Variants in ATF7 observed in about 807,000 individuals in gnomAD.
ATF7 encodes the protein cyclic AMP-dependent transcription factor ATF-7.
A neutral mutation model predicts 50.4 loss-of-function variants in ATF7; 10 were observed. The ratio of observed to expected loss-of-function variants is 0.20; its 90% CI spans 0.12 to 0.34. The LOEUF (loss-of-function observed/expected upper bound fraction) is 0.34, where lower values mean the gene tolerates loss of function less well. Ranked by LOEUF, ATF7 falls within the 10% of genes least tolerant of loss-of-function variation. The pLI is 1.00. For synonymous variants in ATF7, 201 were observed against 226.4 expected (o/e 0.89, Z 1.01); for missense variants, 465 against 613.9 (o/e 0.76, Z 2.56).
At chr12:53,566,205 C>G (rs1941437143) in intron 2 of ATF7, among the ~76,000 whole-genome samples, 1 of 152,122 alleles carries the variant, frequency 6.6e-6, no homozygotes, top group African/African-American at 2.4e-5. Flanking sequence ...AGTATATCAG[C>G]TATAAACTAT....
intron 2 of ATF7, among the ~76,000 whole-genome samples, chr12:53,563,836 T>C (rs1167834144): frequency 6.6e-6 from 1 of 152,250 alleles, no homozygotes; most frequent in Non-Finnish European, 1.5e-5. Flanking sequence ...TTCAGAAAGA[T>C]CTGATGGCTT....
downstream of ATF7, among the ~76,000 whole-genome samples, chr12:53,510,532 C>T (rs1944110450): frequency 6.7e-6 from 1 of 148,860 alleles, no homozygotes; most frequent in Non-Finnish European, 1.5e-5. Flanking sequence ...AATCCTAGCT[C>T]TTGCACTTCA....
intron 2 of ATF7, among the ~76,000 whole-genome samples, chr12:53,584,970 C>T (rs923844558): frequency 3.3e-5 from 5 of 151,982 alleles, no homozygotes; most frequent in Non-Finnish European, 7.4e-5. Flanking sequence ...ATGGTGGATA[C>T]GTGTCATTTT....
intron 2 of ATF7, among the ~76,000 whole-genome samples, chr12:53,586,493 T>C (rs755358004): frequency 3.9e-5 from 6 of 152,186 alleles, no homozygotes; most frequent in African/African-American, 9.7e-5. Context: ...ACTCCAGGTA[T>C]GTACTACAAC....
downstream of ATF7, among the ~76,000 whole-genome samples, chr12:53,509,635 A>G (rs1371655849): frequency 6.6e-6 from 1 of 151,504 alleles, no homozygotes; most frequent in Non-Finnish European, 1.5e-5. Flanking sequence ...CCTCCCAAGT[A>G]GCTGGGATTA....
chr12:53,607,789 C>A (rs1428512714), intron 1 of ATF7, among the ~76,000 whole-genome samples: 4 of 152,022 alleles, frequency 2.6e-5, no homozygotes, highest in African/African-American at 9.7e-5. Flanking sequence ...TAATGGCATC[C>A]TAGGTGATTC....
intron 11 of ATF7, among the ~76,000 whole-genome samples, chr12:53,518,759 A>C (rs1565914821): frequency 6.6e-6 from 1 of 152,118 alleles, no homozygotes; most frequent in Non-Finnish European, 1.5e-5. Context: ...TTAAGATTCA[A>C]ATATGGCCGG....
chr12:53,597,787 C>G lies in ATF7; in HGVS notation c.48+3166G>C, dbSNP rs535869760. ...TAGCGCCACGGCACTCCAGCTTGGG[C>G]GACAGAGTGGAACTCTGTCTCAAAA... is the stretch of plus-strand genomic sequence containing the variant. On this transcript the variant is annotated intron_variant, in intron 2 of 11. Transcript: ENST00000420353. Among the ~76,000 whole-genome samples, 4 of 142,784 alleles carry G rather than the reference C, an allele frequency of 2.8e-5. No homozygotes were observed. The Admixed American group carries it at 2.9e-4, about 10-fold the overall frequency. 93.7% of individuals were successfully genotyped at this position (142,784 alleles called of 152,430 possible).
At chr12:53,552,269 G>A (rs1309542267) in intron 3 of ATF7, among the ~76,000 whole-genome samples, 1 of 151,974 alleles carries the variant, frequency 6.6e-6, no homozygotes, top group Non-Finnish European at 1.5e-5. Context: ...TAAATAGAAA[G>A]AAAGACGGTA....
rs117979541 is a variant in ATF7 at position 53,596,019 on chromosome 12, C to T, written c.48+4934G>A. On this transcript the variant is annotated intron_variant, in intron 2 of 11. Coordinates refer to ENST00000420353, the MANE Select transcript of ATF7 (RefSeq NM_006856.3). ...TTTTCCTTAAAAGGACAGAGGTGGG[C>T]TGGGTGTGGTGGCTCATGCCTGAAA... Among the ~76,000 whole-genome samples the T allele has an allele frequency of 1.3e-3, 203 of 152,238 alleles. 2 individuals are homozygous for T. The East Asian group carries it at 0.028, about 21-fold the overall frequency.
intron 9 of ATF7, among the ~76,000 whole-genome samples, chr12:53,530,492 T>C (rs1938799699): frequency 6.6e-6 from 1 of 152,184 alleles, no homozygotes. Context: ...TCTGCCTTTT[T>C]TAGGATTTTA....
intron 1 of ATF7, among the ~76,000 whole-genome samples, chr12:53,625,515 C>T (rs1275224904): frequency 1.3e-5 from 2 of 152,188 alleles, no homozygotes; most frequent in African/African-American, 2.4e-5. Flanking sequence ...AGAAGCCATG[C>T]CTTATGGCGA....
intron 11 of ATF7, among the ~76,000 whole-genome samples, chr12:53,519,424 G>A (rs1393887068): frequency 6.6e-6 from 1 of 152,000 alleles, no homozygotes; most frequent in South Asian, 2.1e-4. Flanking sequence ...ATGTAAGGCC[G>A]GGTGCGGTGG....
chr12:53,601,257 A>G (rs1384163227), intron 1 of ATF7, among the ~76,000 whole-genome samples: 1 of 152,218 alleles, frequency 6.6e-6, no homozygotes, highest in African/African-American at 2.4e-5. Context: ...AGGAATTTCA[A>G]ACCTTTGCTA....
intron 1 of ATF7, among the ~76,000 whole-genome samples, chr12:53,620,825 G>A (rs1944350877): frequency 6.6e-6 from 1 of 151,464 alleles, no homozygotes; most frequent in Non-Finnish European, 1.5e-5. Flanking sequence ...CTGCAACTAT[G>A]AAGAAATATG....
intron 11 of ATF7, among the ~76,000 whole-genome samples, chr12:53,521,815 A>G (rs1177836813): frequency 6.6e-6 from 1 of 152,208 alleles, no homozygotes; most frequent in Admixed American, 6.5e-5. Flanking sequence ...CTGGCACAGA[A>G]TAGACATTCC....
intron 2 of ATF7, among the ~76,000 whole-genome samples, chr12:53,558,449 CAT>C (rs1319386246): frequency 2.0e-5 from 3 of 152,214 alleles, no homozygotes; most frequent in Non-Finnish European, 4.4e-5. Flanking sequence ...ACTGCCAACA[CAT>C]GTTTTTAGAC....
intron 2 of ATF7, among the ~76,000 whole-genome samples, chr12:53,581,179 C>T (rs1942407801): frequency 6.6e-6 from 1 of 151,214 alleles, no homozygotes; most frequent in South Asian, 2.1e-4. Flanking sequence ...AACAGAGCAT[C>T]AAAATATGTG....
At chr12:53,578,903 T>C (rs1023054265) in intron 2 of ATF7, among the ~76,000 whole-genome samples, 1 of 152,130 alleles carries the variant, frequency 6.6e-6, no homozygotes, top group Admixed American at 6.5e-5. Context: ...TATTGAGATC[T>C]GCAACCAAGC....
Sources: gnomAD v4.1 joint callset for allele counts (sites outside exome capture counted in the v4.1 genomes callset) on GRCh38, gnomAD v4.1.1 for gene constraint, MANE v1.5 for transcripts, NCBI Gene and HGNC (gene_info 2026-07-23, HGNC 2026-07-21) for gene names.